The following CACNA1E variants were observed in gnomAD, a reference collection of about 807,000 sequenced individuals.
CACNA1E encodes voltage-dependent R-type calcium channel subunit alpha-1E.
A neutral mutation model predicts 259.2 loss-of-function variants in CACNA1E; 40 were observed. The ratio of observed to expected loss-of-function variants is 0.15; its 90% confidence interval spans 0.12 to 0.20. The LOEUF (loss-of-function observed/expected upper bound fraction) is 0.20. CACNA1E is among the 10% of genes least tolerant of loss of function. CACNA1E has a pLI of 1.00. For synonymous variants in CACNA1E, 1,104 were observed against 1,138.5 expected (o/e 0.97, Z 0.61); for missense variants, 1,874 against 3,040.1 (o/e 0.62, Z 9.02).
At chr1:181,783,848 C>T in intron 40 of CACNA1E, 64 bp downstream of exon 40, 1 of 1,014,846 alleles carries the variant, frequency 9.9e-7, no homozygotes, top group South Asian at 1.3e-5. Flanking sequence ...GCAGGTGGCA[C>T]AGGATGGAGA....
rs763463058 is a variant in CACNA1E at position 181,511,522 on chromosome 1, TTC to T, written c.512+20_512+21del. 1.4e-5 allele frequency: 23 copies of T among 1,613,238 alleles called. No individual in the cohort carries two copies. Among genetic ancestry groups the T allele is most frequent in the Admixed American group, 6.7e-5 (4 of 60,008 alleles). ...GTGGTCCTCAGTGGGTAAGTCCATT[TTC>T]TCTCTCTGTCTGTGTGTGTGTATGA... On this transcript the variant is annotated intron_variant, in intron 3 of 47. Coordinates refer to ENST00000367573, the MANE Select transcript of CACNA1E (RefSeq NM_001205293.3).
intron 28 of CACNA1E, 98 bp downstream of exon 28, chr1:181,755,495 C>T: frequency 1.1e-6 from 1 of 901,520 alleles, no homozygotes; most frequent in Non-Finnish European, 1.7e-6. Context: ...TTCTATCTTA[C>T]CCATCTCTGC....
intron 1 of CACNA1E, among the ~76,000 whole-genome samples, chr1:181,496,894 C>A (rs1166977055): frequency 6.6e-6 from 1 of 152,132 alleles, no homozygotes; most frequent in Non-Finnish European, 1.5e-5. Flanking sequence ...TATGGATGCA[C>A]AAGGATGCAT....
In CACNA1E at chr1:181,415,886, C is replaced by G. The variant is rs568006514; in HGVS notation, c.434+2306C>G. Among the ~76,000 whole-genome samples the G allele has an allele frequency of 2.6e-5, 4 of 152,274 alleles. No homozygotes were observed. In the South Asian group the frequency reaches 8.3e-4, roughly 32 times the overall value. ...ACACCCCTCCCCAGTTCTACGAACC[C>G]TAATGTTACTGAGCAAAGAGGGCTT... On this transcript the variant is annotated intron_variant, in intron 2 of 11. Coordinates refer to the CACNA1E transcript ENST00000524607.
chr1:181,582,802 T>A (rs772894450), intron 6 of CACNA1E, among the ~76,000 whole-genome samples: 6 of 152,198 alleles, frequency 3.9e-5, no homozygotes, highest in Non-Finnish European at 7.3e-5. Context: ...CCCAGTTACC[T>A]GTCAACCACA....
intron 43 of CACNA1E, among the ~76,000 whole-genome samples, chr1:181,789,034 A>AT (rs11353754): frequency 6.6e-6 from 1 of 151,972 alleles, no homozygotes; most frequent in Non-Finnish European, 1.5e-5. Flanking sequence ...CTGCTGGCTA[A>AT]TTTTTTTTGT....
chr1:181,661,747 A>C (rs1647704528), intron 7 of CACNA1E, among the ~76,000 whole-genome samples: 1 of 152,194 alleles, frequency 6.6e-6, no homozygotes, highest in African/African-American at 2.4e-5. Flanking sequence ...TTTAATCCTC[A>C]CAGTGACCAT....
chr1:181,747,955 T>C (rs957956815), intron 25 of CACNA1E, among the ~76,000 whole-genome samples: 3 of 152,204 alleles, frequency 2.0e-5, no homozygotes, highest in Admixed American at 1.3e-4. Context: ...GGCTTTGTTA[T>C]TCAGTACTCT....
chr1:181,320,713 C>T (rs80307151), intron 1 of CACNA1E, among the ~76,000 whole-genome samples: 2 of 152,126 alleles, frequency 1.3e-5, no homozygotes, highest in Admixed American at 1.3e-4. Context: ...CAGAGTTAGT[C>T]CCAGCTGCTC....
intron 32 of CACNA1E, among the ~76,000 whole-genome samples, chr1:181,760,309 G>C (rs189512359): frequency 1.2e-4 from 19 of 152,208 alleles, no homozygotes; most frequent in Admixed American, 1.1e-3. Flanking sequence ...CTCTGTAAAA[G>C]GTACCACTAA....
chr1:181,508,239 A>C (rs979324131), intron 1 of CACNA1E, among the ~76,000 whole-genome samples: 47 of 151,808 alleles, frequency 3.1e-4, no homozygotes, highest in Non-Finnish European at 7.4e-5. Flanking sequence ...CTGGGGAGAA[A>C]CCTGCTTAAC....
At chr1:181,525,885 A>G (rs1241401270) in intron 3 of CACNA1E, among the ~76,000 whole-genome samples, 3 of 152,180 alleles carry the variant, frequency 2.0e-5, no homozygotes, top group African/African-American at 7.2e-5. Context: ...AATTGGATCT[A>G]GGGGAGCTAT....
upstream of CACNA1E, among the ~76,000 whole-genome samples, chr1:181,480,665 G>T (rs577700389): frequency 2.7e-4 from 41 of 152,326 alleles, 1 homozygote; most frequent in South Asian, 8.3e-4. Context: ...AGGCTAGTGA[G>T]CCCTGCTTAT....
At chr1:181,569,505 A>T (rs1650190036) in intron 3 of CACNA1E, among the ~76,000 whole-genome samples, 1 of 152,246 alleles carries the variant, frequency 6.6e-6, no homozygotes, top group Non-Finnish European at 1.5e-5. Context: ...AATAAAATGA[A>T]GTAAAGTCTC....
Position 181,806,815 on chromosome 1 carries a change from G to GT in CACNA1E, c.*7984dup, listed in dbSNP as rs1182097441. 4 of 152,208 alleles carry GT rather than the reference G, an allele frequency of 2.6e-5. No homozygotes were observed. Among genetic ancestry groups the GT allele is most frequent in the Non-Finnish European group, 1.5e-5 (1 of 68,038 alleles). 9.4% of individuals were successfully genotyped at this position (152,208 alleles called of 1,614,324 possible). On this transcript the variant is annotated 3_prime_UTR_variant, in exon 48 of 48. Coordinates refer to ENST00000367573, the MANE Select transcript of CACNA1E (RefSeq NM_001205293.3). ...CGGCCTGATTTCCCTCACTTGATGT[G>GT]TTTCTTTGCTGCTACCAGAAAGGGA...
chr1:181,406,897 T>G (rs752199089), intron 1 of CACNA1E, among the ~76,000 whole-genome samples: 6 of 152,214 alleles, frequency 3.9e-5, no homozygotes, highest in Non-Finnish European at 8.8e-5. Flanking sequence ...TATCACAGGC[T>G]TCTGTAGGGC....
chr1:181,486,559 T>G (rs1157902057), intron 1 of CACNA1E, among the ~76,000 whole-genome samples: 1 of 152,212 alleles, frequency 6.6e-6, no homozygotes, highest in Non-Finnish European at 1.5e-5. Context: ...TGGTTGCCCA[T>G]AAAGCTTTGG....
At chr1:181,504,452 A>G (rs537273299) in intron 1 of CACNA1E, among the ~76,000 whole-genome samples, 3 of 152,302 alleles carry the variant, frequency 2.0e-5, no homozygotes, top group African/African-American at 7.2e-5. Context: ...ACAGCTAAGT[A>G]CAGAGGTCTT....
chr1:181,599,049 C>T (rs1239689144), intron 6 of CACNA1E, among the ~76,000 whole-genome samples: 1 of 152,066 alleles, frequency 6.6e-6, no homozygotes, highest in Non-Finnish European at 1.5e-5. Context: ...CACAGTTCAT[C>T]CCATCACCCA....
Sources: allele counts gnomAD v4.1 joint callset (sites outside exome capture counted in the v4.1 genomes callset), GRCh38; gene constraint gnomAD v4.1.1; transcripts MANE v1.5; gene names NCBI Gene and HGNC (gene_info 2026-07-23, HGNC 2026-07-21).